Variants in POMGNT1 observed in about 807,000 individuals in gnomAD.
The protein encoded by POMGNT1 is protein O-linked-mannose beta-1,2-N-acetylglucosaminyltransferase 1.
In POMGNT1, 67 loss-of-function variants were observed where a neutral mutation model predicts 95.6. The ratio of observed to expected loss-of-function variants is 0.70; its 90% CI spans 0.58 to 0.86. The LOEUF (loss-of-function observed/expected upper bound fraction) is 0.86, where lower values mean the gene tolerates loss of function less well. Ranked by LOEUF, POMGNT1 falls within the 40% of genes least tolerant of loss-of-function variation. The pLI, the probability that POMGNT1 is intolerant of heterozygous loss-of-function variation, is 0.00. For synonymous variants in POMGNT1, 298 were observed against 317.9 expected, an observed-to-expected ratio of 0.94 and a Z score of 0.66; for missense variants, 719 against 855.2, an observed-to-expected ratio of 0.84 and a Z score of 1.99.
chr1:46,190,697 C>A, intron 18 of POMGNT1, 23 bp downstream of exon 18: 3 of 1,603,182 alleles, frequency 1.9e-6, no homozygotes, highest in Non-Finnish European at 1.7e-6. Context: ...ATATCCACCC[C>A]TTGCCCTGCT....
Position 46,195,932 on chromosome 1 carries a change from G to A in POMGNT1, c.421-8C>T, listed in dbSNP as rs778935754. 21 of 1,613,970 alleles carry A rather than the reference G, an allele frequency of 1.3e-5. No homozygotes were observed. Among genetic ancestry groups the A allele is most frequent in the Middle Eastern group, 1.6e-4 (1 of 6,084 alleles). On this transcript the variant is annotated splice_polypyrimidine_tract_variant and splice_region_variant and intron_variant, in intron 5 of 21. Transcript: ENST00000371984. ...TTTTGCCATCACGTGGCCCTGGCAG[G>A]GGATATACTTCTGGTGAGTTGGTGT...
In POMGNT1 at chr1:46,194,307, C is replaced by G; in HGVS notation, c.846G>C (p.Lys282Asn). Residue 282 changes from lysine (K) to asparagine (N), a missense_variant, in exon 9 of 22, where the codon AAG becomes AAC. Around this residue, in one of 5 missense-constraint regions of POMGNT1, gnomAD observed 466 missense variants for 517.4 expected, o/e 0.90. Transcript: ENST00000371984. ...GGCTGAACTCGATGGGTGTGGGGTCCTTGCAGCTGCATACACTTCCATAGC... is the reference window on the plus strand; with the variant it reads ...GGCTGAACTCGATGGGTGTGGGGTCGTTGCAGCTGCATACACTTCCATAGC... ...VEGYGSVCSC[K>N]DPTPIEFSPD... 1 of 1,614,200 alleles carries G rather than the reference C, an allele frequency of 6.2e-7. No individual in the cohort carries two copies.
intron 1 of POMGNT1, among the ~76,000 whole-genome samples, chr1:46,212,374 G>C (rs529500559): frequency 1.3e-5 from 2 of 150,754 alleles, no homozygotes; most frequent in Admixed American, 6.6e-5. Context: ...TCCGCCTCCC[G>C]GGTTCATGCC....
chr1:46,194,677 A>G lies in POMGNT1; in HGVS notation c.653-26T>C, dbSNP rs760415880. 5.0e-6 allele frequency: 8 copies of G among 1,614,126 alleles called. No individual in the cohort carries two copies. In the South Asian group the frequency reaches 8.8e-5, roughly 18 times the overall value. ...CTGGCAGGAGGCAGGAATGAGGGCC[A>G]TGGGGGCCCAGACACCAGTTTGGGG... is the stretch of plus-strand genomic sequence containing the variant. On this transcript the variant is annotated intron_variant, in intron 7 of 21. Coordinates refer to ENST00000371984, the MANE Select transcript of POMGNT1 (RefSeq NM_017739.4).
intron 1 of POMGNT1, among the ~76,000 whole-genome samples, chr1:46,204,236 C>T (rs1658642417): frequency 6.6e-6 from 1 of 152,236 alleles, no homozygotes; most frequent in Non-Finnish European, 1.5e-5. Flanking sequence ...ATTCCCTCGC[C>T]TCAGACTCAG....
chr1:46,198,743 G>A (rs535005312), upstream of POMGNT1, among the ~76,000 whole-genome samples: 2 of 152,260 alleles, frequency 1.3e-5, no homozygotes, highest in African/African-American at 4.8e-5. Flanking sequence ...GGGTCAGAGG[G>A]GCTGCAACCC....
At chr1:46,207,572 T>C (rs1161997881) in intron 1 of POMGNT1, among the ~76,000 whole-genome samples, 2 of 150,764 alleles carry the variant, frequency 1.3e-5, no homozygotes, top group East Asian at 2.0e-4. Context: ...GGAGTCTCGC[T>C]CTGTCGCCCA....
chr1:46,197,731 T>G lies in POMGNT1; in HGVS notation c.91A>C (p.Asn31His). ...CAGAATCTCCGCAGGGCCCGCTGGT[T>G]TGTCAGTTTATACTTCCAGGTAAGG... ...WYLTWKYKLT[N>H]QRALRRFCQT... The change falls in exon 2 of 22, where the codon AAC becomes CAC. Residue 31 changes from asparagine to histidine, a missense_variant. Coordinates refer to ENST00000371984, the MANE Select transcript of POMGNT1 (RefSeq NM_017739.4). The G allele has an allele frequency of 6.2e-7, 1 of 1,614,092 alleles. No individual in the cohort carries two copies. The highest frequency in any genetic ancestry group is 8.5e-7 in the Non-Finnish European group (1 of 1,179,984).
chr1:46,201,209 T>C (rs1658523186), upstream of POMGNT1, among the ~76,000 whole-genome samples: 1 of 151,440 alleles, frequency 6.6e-6, no homozygotes. Context: ...GAAAATGATG[T>C]TACTTAAAAT....
In POMGNT1 at chr1:46,194,291, C is replaced by A; in HGVS notation, c.862G>T (p.Glu288Ter). ...CCACTCACTGGGTCAGGGCTGAACTCGATGGGTGTGGGGTCCTTGCAGCTG... is the reference window on the plus strand; with the variant it reads ...CCACTCACTGGGTCAGGGCTGAACTAGATGGGTGTGGGGTCCTTGCAGCTG... ...VCSCKDPTPI[E>*]FSPDPLPDNK... The change falls in exon 9 of 22, where the codon GAG becomes TAG. Residue 288 changes from glutamate to a stop codon, truncating the protein, a stop_gained. Transcript: ENST00000371984. LOFTEE classifies it high-confidence loss of function. The A allele has an allele frequency of 6.2e-7, 1 of 1,614,194 alleles. No individual in the cohort carries two copies. Among genetic ancestry groups the A allele is most frequent in the Non-Finnish European group, 8.5e-7 (1 of 1,180,028 alleles).
In POMGNT1 at chr1:46,217,813, C is replaced by T. The variant is rs143350127; in HGVS notation, c.-51+1892G>A. Among the ~76,000 whole-genome samples, 594 of 152,006 alleles carry T rather than the reference C, an allele frequency of 3.9e-3. 3 individuals carry two copies. Among genetic ancestry groups the T allele is most frequent in the African/African-American group, 0.013 (548 of 41,450 alleles). On this transcript the variant is annotated intron_variant, in intron 1 of 22. Transcript: ENST00000371992. ...CGGAGGTTGCAGTGAGCTAAGATGG[C>T]GCCATTGCACTCCAGCCTGGGCAAC...
intron 8 of POMGNT1, 46 bp from the exon 9 acceptor site, chr1:46,194,447 T>C (rs771392109): frequency 1.2e-6 from 2 of 1,613,918 alleles, no homozygotes. Context: ...GCCAGCAAGG[T>C]TTGAAGAGCC....
At chr1:46,189,799 G>C in intron 20 of POMGNT1, 55 bp downstream of exon 20, 3 of 1,610,016 alleles carry the variant, frequency 1.9e-6, no homozygotes, top group South Asian at 2.2e-5. Flanking sequence ...GGATCTTGGG[G>C]CAGTATGTGT....
intron 6 of POMGNT1, chr1:46,195,594 C>T: frequency 3.2e-6 from 2 of 621,112 alleles, no homozygotes; most frequent in Non-Finnish European, 5.9e-6. Context: ...GTCTTGTTTC[C>T]CATTGTATCT....
chr1:46,219,791 G>A (rs769478158), exon 1 of POMGNT1: 1 of 1,614,202 alleles, frequency 6.2e-7, no homozygotes, highest in Non-Finnish European at 8.5e-7. Flanking sequence ...TGGAGGAGCG[G>A]GGGACGTTGA....
intron 1 of POMGNT1, among the ~76,000 whole-genome samples, chr1:46,203,880 C>T (rs1295632427): frequency 1.2e-4 from 18 of 152,046 alleles, no homozygotes; most frequent in Non-Finnish European, 2.9e-5. Flanking sequence ...GAAGTTATTC[C>T]TGCCAAATAA....
intron 11 of POMGNT1, 30 bp from the exon 12 acceptor site, chr1:46,193,418 G>A (rs1253674047): frequency 1.9e-6 from 3 of 1,607,740 alleles, no homozygotes; most frequent in South Asian, 1.1e-5. Flanking sequence ...CTCACCATGT[G>A]AGGTCACTTT....
At chr1:46,217,761 G>A (rs1469364283) in intron 1 of POMGNT1, among the ~76,000 whole-genome samples, 1 of 152,148 alleles carries the variant, frequency 6.6e-6, no homozygotes, top group Non-Finnish European at 1.5e-5. Flanking sequence ...GCAGGCTGAG[G>A]CAAGAGAATC....
chr1:46,189,608 G>A lies in POMGNT1; in HGVS notation c.1786-41C>T, dbSNP rs768744209. On this transcript the variant is annotated intron_variant, in intron 20 of 21. Coordinates refer to ENST00000371984, the MANE Select transcript of POMGNT1 (RefSeq NM_017739.4). Reference sequence around the variant, plus strand: ...TGGAGACAGAGACATGGGTCAGAGAGCTGTAGGGAGGGGTCACTGACGACC... The same window carrying A: ...TGGAGACAGAGACATGGGTCAGAGAACTGTAGGGAGGGGTCACTGACGACC... The A allele has an allele frequency of 6.9e-6, 11 of 1,584,116 alleles. No individual in the cohort carries two copies. The African/African-American group carries it at 1.1e-4, about 15-fold the overall frequency.
Sources: allele counts gnomAD v4.1 joint callset (sites outside exome capture counted in the v4.1 genomes callset), GRCh38; gene constraint gnomAD v4.1.1; regional missense constraint gnomAD v4.1.1; transcripts MANE v1.5; gene names NCBI Gene and HGNC (gene_info 2026-07-23, HGNC 2026-07-21).